The following LRCH1 variants were observed in gnomAD, a reference collection of about 807,000 sequenced individuals.
LRCH1 encodes leucine-rich repeat and calponin homology domain-containing protein 1.
A neutral mutation model predicts 94.9 loss-of-function variants in LRCH1; 23 were observed. The ratio of observed to expected loss-of-function variants is 0.24; its 90% CI spans 0.17 to 0.34. The LOEUF (loss-of-function observed/expected upper bound fraction) is 0.34. Ranked by LOEUF, LRCH1 falls within the 10% of genes least tolerant of loss-of-function variation. LRCH1 has a pLI of 1.00. For synonymous variants in LRCH1, 364 were observed against 354.9 expected, an observed-to-expected ratio of 1.03 and a Z score of -0.29; for missense variants, 790 against 945.9, an observed-to-expected ratio of 0.84 and a Z score of 2.16.
Position 46,728,928 on chromosome 13 carries a change from G to A in LRCH1, c.1951G>A (p.Val651Ile). ...GGATGGTGTCGTCCTCTGCCATCTG[G>A]TCAACCACATCCGCCCACGGTCGGT... ...LMDGVVLCHL[V>I]NHIRPRSVAS... The change falls in exon 18 of 20, where the codon GTC becomes ATC. Residue 651 changes from valine to isoleucine, a missense_variant. Physicochemically the swap from Val to Ile is conservative, Grantham distance 29. This residue lies in a region of LRCH1 where 460 missense variants were observed against 508.9 expected (regional missense o/e 0.90). Coordinates refer to ENST00000389797, the MANE Select transcript of LRCH1 (RefSeq NM_001164211.2). The A allele has an allele frequency of 6.2e-7, 1 of 1,613,696 alleles. No homozygotes were observed. Among genetic ancestry groups the A allele is most frequent in the Non-Finnish European group, 8.5e-7 (1 of 1,179,840 alleles).
intron 11 of LRCH1, among the ~76,000 whole-genome samples, chr13:46,703,398 A>AGG (rs1871588999): frequency 6.6e-6 from 1 of 152,210 alleles, no homozygotes; most frequent in African/African-American, 2.4e-5. Flanking sequence ...CCTACCTTTT[A>AGG]GGGTTATGAG....
chr13:46,652,285 C>G (rs1218507863), intron 2 of LRCH1, among the ~76,000 whole-genome samples: 1 of 151,894 alleles, frequency 6.6e-6, no homozygotes, highest in Non-Finnish European at 1.5e-5. Flanking sequence ...ACCATGTTAG[C>G]CAGGATGGTC....
At chr13:46,750,774 T>C (rs1005145365) in exon 19 of LRCH1, 18 of 627,540 alleles carry the variant, frequency 2.9e-5, no homozygotes, top group Admixed American at 9.6e-5. Flanking sequence ...TCCAGTTACA[T>C]TGAAACAATT....
intron 16 of LRCH1, among the ~76,000 whole-genome samples, chr13:46,719,340 C>T (rs115712949): frequency 4.7e-4 from 72 of 152,338 alleles, no homozygotes; most frequent in African/African-American, 1.7e-3. Context: ...CTGCCCCACT[C>T]ACTGCTTTGT....
intron 16 of LRCH1, among the ~76,000 whole-genome samples, chr13:46,721,447 CT>C (rs1001089184): frequency 6.6e-6 from 1 of 152,060 alleles, no homozygotes; most frequent in African/African-American, 2.4e-5. Flanking sequence ...ATATATGTCT[CT>C]TTTTTGGTGT....
chr13:46,741,642 G>T lies in LRCH1; in HGVS notation c.2086G>T (p.Ala696Ser), dbSNP rs191959217. ...EACRKLGVPE[A>S]DLCSPCDILQ... The stretch of plus-strand genomic sequence containing the variant: ...GTTCTAATGGCTGCCCTCGGAATAG[G>T]CTGACCTCTGCTCTCCGTGTGACAT... The change falls in exon 20 of 20, where the codon GCT (alanine) becomes TCT (serine). Residue 696 changes from alanine to serine, a missense_variant and splice_region_variant. By Grantham distance (99) the Ala-to-Ser change is moderately conservative (BLOSUM62 1). This residue lies in a region of LRCH1 where 460 missense variants were observed against 508.9 expected (regional missense o/e 0.90). Transcript: ENST00000389797. 5.3e-4 allele frequency: 854 copies of T among 1,614,086 alleles called. 8 individuals carry two copies. In the Admixed American group the frequency reaches 7.7e-3, roughly 15 times the overall value.
intron 1 of LRCH1, among the ~76,000 whole-genome samples, chr13:46,646,084 C>A (rs930615392): frequency 1.3e-5 from 2 of 152,180 alleles, no homozygotes; most frequent in Non-Finnish European, 2.9e-5. Context: ...AGAAAGAACA[C>A]AAGAGACTTC....
At chr13:46,697,194 T>A (rs560980729) in intron 9 of LRCH1, among the ~76,000 whole-genome samples, 1 of 152,294 alleles carries the variant, frequency 6.6e-6, no homozygotes, top group South Asian at 2.1e-4. Flanking sequence ...ACTGTGCATA[T>A]CGAATTATCC....
At chr13:46,582,945 T>C (rs1566157002) in intron 1 of LRCH1, among the ~76,000 whole-genome samples, 1 of 151,900 alleles carries the variant, frequency 6.6e-6, no homozygotes. Flanking sequence ...AGAAAACAAA[T>C]GGCAGTTCTA....
chr13:46,702,676 A>G (rs1181328083), intron 11 of LRCH1, among the ~76,000 whole-genome samples: 1 of 152,144 alleles, frequency 6.6e-6, no homozygotes, highest in African/African-American at 2.4e-5. Context: ...ATGACTGCCA[A>G]TTTCAAGAAA....
chr13:46,653,004 G>A (rs2051326545), intron 2 of LRCH1, among the ~76,000 whole-genome samples: 1 of 152,128 alleles, frequency 6.6e-6, no homozygotes, highest in Non-Finnish European at 1.5e-5. Flanking sequence ...GTCTTCAGAT[G>A]GGTAGGAAGA....
chr13:46,712,228 GTGTGTGCATGCACC>G (rs1425363145), intron 14 of LRCH1, among the ~76,000 whole-genome samples: 12 of 152,174 alleles, frequency 7.9e-5, no homozygotes, highest in African/African-American at 2.2e-4. Flanking sequence ...TATAGTGTGT[GTGTGTGCATGCACC>G]CATGCACACA....
chr13:46,573,814 A>G (rs1352920003), intron 1 of LRCH1, among the ~76,000 whole-genome samples: 1 of 142,218 alleles, frequency 7.0e-6, no homozygotes, highest in African/African-American at 2.5e-5. Flanking sequence ...AAGATCTAGT[A>G]TATGATAGCA....
chr13:46,598,557 C>A (rs2050590463), intron 1 of LRCH1, among the ~76,000 whole-genome samples: 1 of 146,906 alleles, frequency 6.8e-6, no homozygotes. Context: ...TCTTTCTATA[C>A]TTTCTGTAAC....
chr13:46,721,712 T>C (rs1011363389), intron 16 of LRCH1, among the ~76,000 whole-genome samples: 18 of 152,214 alleles, frequency 1.2e-4, no homozygotes, highest in African/African-American at 3.6e-4. Context: ...CTTCCCTCAG[T>C]GGCTTCCAGC....
chr13:46,735,178 CTT>C (rs1297973838), intron 19 of LRCH1, among the ~76,000 whole-genome samples: 3 of 152,154 alleles, frequency 2.0e-5, no homozygotes, highest in Admixed American at 6.5e-5. Flanking sequence ...GATGGACTGT[CTT>C]TGTGATCTAT....
At chr13:46,654,328 G>A (rs1279568168) in intron 2 of LRCH1, among the ~76,000 whole-genome samples, 2 of 152,142 alleles carry the variant, frequency 1.3e-5, no homozygotes, top group African/African-American at 4.8e-5. Context: ...GGTTAGCCAC[G>A]GTGGCCTTTT....
At chr13:46,752,933 A>G (rs542417243) in exon 19 of LRCH1, 1 of 152,288 alleles carries the variant, frequency 6.6e-6, no homozygotes, top group East Asian at 1.9e-4. Context: ...TTATATGTGC[A>G]ATAAAATGCA....
chr13:46,737,184 GT>G (rs768509998), intron 19 of LRCH1, among the ~76,000 whole-genome samples: 9 of 152,138 alleles, frequency 5.9e-5, no homozygotes, highest in Non-Finnish European at 1.0e-4. Context: ...GTCTGTGCAG[GT>G]TGTGGCAGTA....
Sources: allele counts gnomAD v4.1 joint callset (sites outside exome capture counted in the v4.1 genomes callset), GRCh38; gene constraint gnomAD v4.1.1; regional missense constraint gnomAD v4.1.1; transcripts MANE v1.5; gene names NCBI Gene and HGNC (gene_info 2026-07-23, HGNC 2026-07-21).